Variants in SPAG16 observed in about 807,000 individuals in gnomAD.
SPAG16 encodes sperm-associated antigen 16 protein.
Under a neutral mutation model 80.4 loss-of-function variants are expected in SPAG16, and 86 were observed. The ratio of observed to expected loss-of-function variants is 1.07; its 90% confidence interval spans 0.90 to 1.28. The LOEUF (loss-of-function observed/expected upper bound fraction) is 1.28. Among genes scored for constraint, SPAG16 ranks in the 50% most tolerant of loss-of-function variants. SPAG16 has a pLI of 0.00. For synonymous variants in SPAG16, 294 were observed against 265.9 expected, an observed-to-expected ratio of 1.11 and a Z score of -1.03; for missense variants, 870 against 765.3, an observed-to-expected ratio of 1.14 and a Z score of -1.61.
At chr2:213,325,760 A>G (rs2063815151) in intron 5 of SPAG16, among the ~76,000 whole-genome samples, 1 of 151,918 alleles carries the variant, frequency 6.6e-6, no homozygotes, top group African/African-American at 2.4e-5. Context: ...TTTATGAAGG[A>G]GCTTGAAATT....
chr2:213,645,866 T>A (rs80186178), intron 10 of SPAG16, among the ~76,000 whole-genome samples: 5,716 of 152,266 alleles, frequency 0.038, 342 homozygotes, highest in African/African-American at 0.13. Flanking sequence ...CCTTTCAAAT[T>A]TACCTGGAGA....
At chr2:213,766,214 T>G (rs1256742448) in intron 10 of SPAG16, among the ~76,000 whole-genome samples, 1 of 152,068 alleles carries the variant, frequency 6.6e-6, no homozygotes, top group Non-Finnish European at 1.5e-5. Flanking sequence ...AAATAGAAAG[T>G]AGTTTAGTGG....
chr2:213,666,986 A>G (rs1335398375), intron 10 of SPAG16, among the ~76,000 whole-genome samples: 1 of 152,232 alleles, frequency 6.6e-6, no homozygotes, highest in Non-Finnish European at 1.5e-5. Context: ...TGAAGTCCAG[A>G]AATGTATTGA....
intron 11 of SPAG16, among the ~76,000 whole-genome samples, chr2:213,879,832 G>T (rs2076278696): frequency 6.6e-6 from 1 of 152,130 alleles, no homozygotes; most frequent in African/African-American, 2.4e-5. Flanking sequence ...TTATATGGCT[G>T]TGTAGTATTC....
chr2:213,446,584 C>A (rs937892745), intron 9 of SPAG16, among the ~76,000 whole-genome samples: 1 of 152,146 alleles, frequency 6.6e-6, no homozygotes, highest in South Asian at 2.1e-4. Flanking sequence ...TTTAATAATT[C>A]TCCTCCTTAT....
intron 15 of SPAG16, among the ~76,000 whole-genome samples, chr2:214,395,504 A>G (rs1008760322): frequency 6.6e-6 from 1 of 152,124 alleles, no homozygotes; most frequent in African/African-American, 2.4e-5. Context: ...AGGTTGTTTA[A>G]GGTATTTGAC....
chr2:214,075,054 G>T (rs1193064734), intron 13 of SPAG16, among the ~76,000 whole-genome samples: 1 of 151,744 alleles, frequency 6.6e-6, no homozygotes, highest in Non-Finnish European at 1.5e-5. Flanking sequence ...ATGAAATACT[G>T]CCACACAAAA....
intron 10 of SPAG16, among the ~76,000 whole-genome samples, chr2:213,820,986 A>G (rs1432907122): frequency 2.0e-5 from 3 of 152,120 alleles, no homozygotes; most frequent in Non-Finnish European, 4.4e-5. Flanking sequence ...CCTTTCTGAA[A>G]TTCTCATAAA....
At chr2:213,787,894 T>G (rs17755390) in intron 10 of SPAG16, among the ~76,000 whole-genome samples, 5,670 of 152,090 alleles carry the variant, frequency 0.037, 176 homozygotes, top group Non-Finnish European at 0.057. Flanking sequence ...TCACAAAAAT[T>G]TATCGTGAAA....
intron 15 of SPAG16, among the ~76,000 whole-genome samples, chr2:214,168,401 G>A (rs2056746547): frequency 6.6e-6 from 1 of 152,062 alleles, no homozygotes; most frequent in Non-Finnish European, 1.5e-5. Flanking sequence ...TAAACATGGT[G>A]AATAAGGCAT....
rs1197094567 is a variant in SPAG16 at position 214,009,988 on chromosome 2, G to T, written c.1401-3963G>T. Among the ~76,000 whole-genome samples the T allele has an allele frequency of 1.7e-5, 2 of 118,194 alleles. 1 individual carries two copies. Among genetic ancestry groups the T allele is most frequent in the East Asian group, 4.5e-4 (2 of 4,410 alleles). 77.5% of individuals were successfully genotyped at this position (118,194 alleles called of 152,430 possible). ...CAGTGAAGAACATGAAGTGCATAAAGGAATCACCTGAGTAAAGATATGAAA... is the reference window on the plus strand; with the variant it reads ...CAGTGAAGAACATGAAGTGCATAAATGAATCACCTGAGTAAAGATATGAAA... On this transcript the variant is annotated intron_variant, in intron 12 of 15. Transcript: ENST00000331683.
At chr2:214,001,975 G>A (rs187354918) in intron 12 of SPAG16, among the ~76,000 whole-genome samples, 41 of 152,294 alleles carry the variant, frequency 2.7e-4, no homozygotes, top group African/African-American at 9.4e-4. Flanking sequence ...CTTCACAATT[G>A]TGGCTGAATG....
At chr2:214,400,943 C>T (rs1277449147) in intron 15 of SPAG16, among the ~76,000 whole-genome samples, 1 of 151,860 alleles carries the variant, frequency 6.6e-6, no homozygotes, top group African/African-American at 2.4e-5. Flanking sequence ...TCTTTGCTCA[C>T]AAAAGAAAAG....
chr2:213,350,753 A>C, intron 7 of SPAG16, 108 bp downstream of exon 7: 2 of 652,478 alleles, frequency 3.1e-6, no homozygotes, highest in Non-Finnish European at 5.0e-6. Context: ...AACATTTTCA[A>C]CCAACTTTCA....
At position 213,572,527 on chromosome 2, in the gene SPAG16, G is replaced by A. The variant is rs543644518; in HGVS notation, c.1070+82437G>A. On this transcript the variant is annotated intron_variant, in intron 10 of 15. Transcript: ENST00000331683. ...AGGTGTCAGTATGCCCCTGCTGGGG[G>A]GTGCCTCCCAGTTAGGCTGCTTGGG... Among the ~76,000 whole-genome samples the A allele has an allele frequency of 1.1e-4, 17 of 151,960 alleles. No homozygotes were observed. In the East Asian group the frequency reaches 3.3e-3, roughly 29 times the overall value.
At chr2:214,180,846 T>C (rs568029133) in intron 15 of SPAG16, among the ~76,000 whole-genome samples, 39 of 151,728 alleles carry the variant, frequency 2.6e-4, no homozygotes, top group Non-Finnish European at 5.0e-4. Context: ...GTTCTCACAT[T>C]GGGCTAGATG....
chr2:214,210,880 T>C (rs1284261090), intron 15 of SPAG16, among the ~76,000 whole-genome samples: 2 of 152,014 alleles, frequency 1.3e-5, no homozygotes, highest in Non-Finnish European at 1.5e-5. Flanking sequence ...TACTTATATA[T>C]GGATCTTATG....
intron 10 of SPAG16, among the ~76,000 whole-genome samples, chr2:213,824,949 G>A (rs1222211831): frequency 2.0e-5 from 3 of 151,228 alleles, no homozygotes; most frequent in Admixed American, 2.0e-4. Context: ...CACTTCTCTG[G>A]TTAATTCTTA....
intron 4 of SPAG16, among the ~76,000 whole-genome samples, chr2:213,313,626 C>G (rs1215869978): frequency 6.6e-6 from 1 of 151,742 alleles, no homozygotes; most frequent in African/African-American, 2.4e-5. Context: ...ACAAGAGAAT[C>G]TTTGAAAAAA....
Sources: gnomAD v4.1 joint callset for allele counts (sites outside exome capture counted in the v4.1 genomes callset) on GRCh38, gnomAD v4.1.1 for gene constraint, MANE v1.5 for transcripts, NCBI Gene and HGNC (gene_info 2026-07-23, HGNC 2026-07-21) for gene names.